HERC3: variants seen among roughly 807,000 people sequenced by gnomAD.
HERC3 encodes the protein probable E3 ubiquitin-protein ligase HERC3.
A neutral mutation model predicts 129.9 loss-of-function variants in HERC3; 58 were observed. That is an observed-to-expected ratio of 0.45 (90% CI 0.36 to 0.56). The LOEUF is 0.56. Ranked by LOEUF, HERC3 falls within the 20% of genes least tolerant of loss-of-function variation. HERC3 has a pLI of 0.00. For missense variants in HERC3, 835 were observed against 1,244.2 expected, an observed-to-expected ratio of 0.67 and a Z score of 4.95; for synonymous variants, 430 against 451.0, an observed-to-expected ratio of 0.95 and a Z score of 0.59.
the HERC3 span, among the ~76,000 whole-genome samples, chr4:88,538,710 A>AT: frequency 6.6e-6 from 1 of 151,698 alleles, no homozygotes. Flanking sequence ...TGCCTAGCTA[A>AT]TTTTTTGTAT....
chr4:88,650,060 A>T, intron 4 of HERC3, 61 bp downstream of exon 4: 1 of 1,502,814 alleles, frequency 6.7e-7, no homozygotes, highest in East Asian at 2.3e-5. Flanking sequence ...GATTTGTTAG[A>T]CTCCTTGTTT....
In HERC3 at chr4:88,653,050, G is replaced by A. The variant is rs751281661; in HGVS notation, c.645G>A (p.Gly215=). 1.2e-6 allele frequency: 2 copies of A among 1,614,206 alleles called. No individual in the cohort carries two copies. Among genetic ancestry groups the A allele is most frequent in the Admixed American group, 3.3e-5 (2 of 60,020 alleles). ...TCTCAGGAGCTGTTTTTGGCTGGGGGATGAATAATGCCGGGCAGCTAGGGC... is the reference window on the plus strand; with the variant it reads ...TCTCAGGAGCTGTTTTTGGCTGGGGAATGAATAATGCCGGGCAGCTAGGGC... ...LSLSGAVFGW[G]MNNAGQLGLS... The change falls in exon 6 of 26, where the codon GGG becomes GGA. Residue 215 remains glycine (G), a synonymous_variant. Coordinates refer to ENST00000402738, the MANE Select transcript of HERC3 (RefSeq NM_014606.3).
chr4:88,579,226 A>ATATATATAT, the HERC3 span, among the ~76,000 whole-genome samples: 7 of 93,936 alleles, frequency 7.5e-5, no homozygotes, highest in African/African-American at 6.1e-4. Flanking sequence ...TACTAAAAAA[A>ATATATATAT]AAAAAAATAT....
chr4:88,652,777 G>A, intron 5 of HERC3, 92 bp from the exon 6 acceptor site: 1 of 1,345,716 alleles, frequency 7.4e-7, no homozygotes. Flanking sequence ...TGGTGTTGGG[G>A]GGCAACTGGC....
At chr4:88,678,574 C>T (rs1168063639) in intron 19 of HERC3, among the ~76,000 whole-genome samples, 1 of 152,122 alleles carries the variant, frequency 6.6e-6, no homozygotes, top group Non-Finnish European at 1.5e-5. Flanking sequence ...ACACCTAGTA[C>T]CTGTAAATTA....
the HERC3 span, among the ~76,000 whole-genome samples, chr4:88,548,865 G>A: frequency 1.3e-5 from 2 of 152,022 alleles, no homozygotes; most frequent in Non-Finnish European, 2.9e-5. Flanking sequence ...GTTTCACCAT[G>A]TTAGCCAGGA....
Position 88,670,223 on chromosome 4 carries a change from C to T in HERC3, c.1882C>T (p.Leu628Phe). Reference sequence around the variant, plus strand: ...TCTCGTGGACATTCAGGAAGACTACCTCATGTGGTTCTTGCATCAAGCAGG... The same window carrying T: ...TCTCGTGGACATTCAGGAAGACTACTTCATGTGGTTCTTGCATCAAGCAGG... ...SNLVDIQEDY[L>F]MWFLHQAGMK... is the part of the protein sequence containing the mutation. Residue 628 changes from leucine (L) to phenylalanine (F), a missense_variant, in exon 16 of 26, where the codon CTC (leucine) becomes TTC (phenylalanine). Coordinates refer to ENST00000402738, the MANE Select transcript of HERC3 (RefSeq NM_014606.3). 1 of 1,611,416 alleles carries T rather than the reference C, an allele frequency of 6.2e-7. No homozygotes were observed. Among genetic ancestry groups the T allele is most frequent in the African/African-American group, 1.3e-5 (1 of 74,902 alleles).
chr4:88,624,955 G>GTA (rs1242685900), intron 3 of HERC3, among the ~76,000 whole-genome samples: 2 of 152,098 alleles, frequency 1.3e-5, no homozygotes, highest in Admixed American at 1.3e-4. Context: ...TGAAAAGACT[G>GTA]TATATCCCCC....
At chr4:88,588,236 G>A (rs1721579639), upstream of HERC3, among the ~76,000 whole-genome samples, 1 of 152,178 alleles carries the variant, frequency 6.6e-6, no homozygotes, top group Admixed American at 6.5e-5. Context: ...CAGGAATGAT[G>A]CTTCTTGTCT....
chr4:88,627,904 C>CAAAA (rs60358778), intron 3 of HERC3, among the ~76,000 whole-genome samples: 3 of 80,942 alleles, frequency 3.7e-5, no homozygotes, highest in Non-Finnish European at 5.8e-5. Flanking sequence ...AACTCCGTCT[C>CAAAA]AAAAAAAAAA....
chr4:88,581,075 G>A, the HERC3 span, among the ~76,000 whole-genome samples: 1 of 152,082 alleles, frequency 6.6e-6, no homozygotes, highest in African/African-American at 2.4e-5. Context: ...AAAGGAGGAA[G>A]GGAAGAGGGA....
intron 19 of HERC3, 73 bp downstream of exon 19, chr4:88,678,207 G>T: frequency 7.4e-7 from 1 of 1,357,724 alleles, no homozygotes; most frequent in Non-Finnish European, 1.0e-6. Flanking sequence ...AAGCAGCAGT[G>T]ATCTTATTAA....
At chr4:88,570,960 AG>A in the HERC3 span, among the ~76,000 whole-genome samples, 35,941 of 151,378 alleles carry the variant, frequency 0.24, 8,442 homozygotes, top group African/African-American at 0.61. Context: ...GGGTTTCACC[AG>A]GTTAGCCAGG....
intron 14 of HERC3, 67 bp downstream of exon 14, chr4:88,668,148 C>G (rs1731239838): frequency 1.6e-6 from 2 of 1,237,308 alleles, no homozygotes; most frequent in Middle Eastern, 1.9e-4. Flanking sequence ...ACTCCTGGCT[C>G]TCAGTGGATT....
chr4:88,704,454 C>T, intron 24 of HERC3, 54 bp from the exon 25 acceptor site: 1 of 1,291,292 alleles, frequency 7.7e-7, no homozygotes, highest in Non-Finnish European at 1.1e-6. Flanking sequence ...TATATAATGT[C>T]CACTATAATA....
chr4:88,674,108 C>T (rs144037461), intron 16 of HERC3, among the ~76,000 whole-genome samples: 6 of 152,110 alleles, frequency 3.9e-5, no homozygotes, highest in Non-Finnish European at 4.4e-5. Flanking sequence ...AAGATCAGCC[C>T]GCTTCCAAAT....
chr4:88,616,632 A>G (rs1047706681), intron 3 of HERC3, among the ~76,000 whole-genome samples: 3 of 152,218 alleles, frequency 2.0e-5, no homozygotes, highest in African/African-American at 7.2e-5. Context: ...TTGCCTAAGA[A>G]GAGCTCACTC....
At position 88,658,486 on chromosome 4, in the gene HERC3, T is replaced by TA; in HGVS notation, c.1142dup (p.Tyr381Ter). The TA allele has an allele frequency of 6.3e-7, 1 of 1,578,358 alleles. No homozygotes were observed. The highest frequency in any genetic ancestry group is 2.2e-5 in the East Asian group (1 of 44,530). The part of the protein sequence containing the change: ...GDQTFVLCSK[Y>*]ENYSPAVDFR... ...CCAGACTTTTGTACTTTGCTCCAAATACGAGGTAAAATTTTTCTTGTGACT... is the reference window on the plus strand; with the variant it reads ...CCAGACTTTTGTACTTTGCTCCAAATAACGAGGTAAAATTTTTCTTGTGACT... Residue 381 changes from tyrosine (Y) to a stop codon, truncating the protein, a stop_gained and frameshift_variant, in exon 10 of 26, where the codon TAC becomes TAAC. Coordinates refer to ENST00000402738, the MANE Select transcript of HERC3 (RefSeq NM_014606.3). LOFTEE classifies it high-confidence loss of function.
chr4:88,666,447 A>G (rs1267693049), intron 12 of HERC3, among the ~76,000 whole-genome samples: 1 of 152,220 alleles, frequency 6.6e-6, no homozygotes, highest in African/African-American at 2.4e-5. Context: ...TTTAAAAACA[A>G]TAACAACAAC....
Sources: allele counts gnomAD v4.1 joint callset (sites outside exome capture counted in the v4.1 genomes callset), GRCh38; gene constraint gnomAD v4.1.1; transcripts MANE v1.5; gene names NCBI Gene and HGNC (gene_info 2026-07-23, HGNC 2026-07-21).